RNLS: variants seen among roughly 807,000 people sequenced by gnomAD.
RNLS encodes renalase.
RNLS carries 39 observed loss-of-function variants against 39.8 expected under a neutral mutation model. The ratio of observed to expected loss-of-function variants is 0.98; its 90% CI spans 0.76 to 1.28. The LOEUF (loss-of-function observed/expected upper bound fraction) is 1.28. Among genes scored for constraint, RNLS ranks in the 50% most tolerant of loss-of-function variants. RNLS has a pLI of 0.00. For synonymous variants in RNLS, 147 were observed against 150.7 expected, an observed-to-expected ratio of 0.98 and a Z score of 0.18; for missense variants, 410 against 413.3, an observed-to-expected ratio of 0.99 and a Z score of 0.07.
the RNLS span, among the ~76,000 whole-genome samples, chr10:88,173,770 G>C: frequency 6.6e-6 from 1 of 152,104 alleles, no homozygotes; most frequent in Non-Finnish European, 1.5e-5. Flanking sequence ...ATCAGGCCAA[G>C]TATATAAACC....
chr10:88,205,811 T>A, the RNLS span, among the ~76,000 whole-genome samples: 1 of 152,136 alleles, frequency 6.6e-6, no homozygotes, highest in African/African-American at 2.4e-5. Context: ...GAATATCATG[T>A]ATACCCTGGA....
At chr10:88,234,960 A>G in the RNLS span, among the ~76,000 whole-genome samples, 3 of 152,078 alleles carry the variant, frequency 2.0e-5, no homozygotes, top group Non-Finnish European at 2.9e-5. Flanking sequence ...ATTGTGTTTC[A>G]TGTAGAAATC....
At chr10:88,257,990 TA>T in the RNLS span, among the ~76,000 whole-genome samples, 6 of 152,162 alleles carry the variant, frequency 3.9e-5, no homozygotes, top group Admixed American at 6.5e-5. Context: ...GACATGTGCA[TA>T]AACACACACC....
At chr10:88,216,380 C>T in the RNLS span, among the ~76,000 whole-genome samples, 2 of 152,140 alleles carry the variant, frequency 1.3e-5, no homozygotes, top group African/African-American at 2.4e-5. Context: ...CATAAGATAT[C>T]TGTATTTTTC....
intron 4 of RNLS, among the ~76,000 whole-genome samples, chr10:88,448,840 G>A (rs1479386835): frequency 1.3e-5 from 2 of 152,178 alleles, no homozygotes; most frequent in Non-Finnish European, 2.9e-5. Flanking sequence ...ATGAGTTCAT[G>A]TCCTTTGTAG....
intron 4 of RNLS, among the ~76,000 whole-genome samples, chr10:88,378,772 T>A (rs1851226536): frequency 6.6e-6 from 1 of 152,224 alleles, no homozygotes; most frequent in Admixed American, 6.5e-5. Flanking sequence ...ATGGACTGTT[T>A]CCTTCATCTT....
At chr10:88,253,851 T>C in the RNLS span, among the ~76,000 whole-genome samples, 4 of 152,086 alleles carry the variant, frequency 2.6e-5, no homozygotes, top group Non-Finnish European at 4.4e-5. Context: ...CCTCAGCCAG[T>C]TGTCAACTAA....
chr10:88,575,159 T>TACACACAC (rs375572767), intron 3 of RNLS, among the ~76,000 whole-genome samples: 2 of 43,388 alleles, frequency 4.6e-5, no homozygotes, highest in Admixed American at 3.2e-4. Context: ...TATATATATA[T>TACACACAC]ACACACACAC....
At chr10:88,383,071 A>G (rs1851651657) in intron 4 of RNLS, among the ~76,000 whole-genome samples, 1 of 152,098 alleles carries the variant, frequency 6.6e-6, no homozygotes, top group Non-Finnish European at 1.5e-5. Flanking sequence ...TAAATCTATC[A>G]TGTGTAATTG....
At chr10:88,329,560 G>T (rs113137598) in intron 5 of RNLS, among the ~76,000 whole-genome samples, 89 of 151,816 alleles carry the variant, frequency 5.9e-4, no homozygotes, top group African/African-American at 1.8e-3. Flanking sequence ...TTTGGAAATT[G>T]TTCAGCTATT....
intron 4 of RNLS, among the ~76,000 whole-genome samples, chr10:88,406,069 G>A (rs903150485): frequency 2.6e-5 from 4 of 152,110 alleles, no homozygotes; most frequent in Admixed American, 2.0e-4. Context: ...CTTCTAGCTT[G>A]TAGGGTTTTT....
Position 88,314,537 on chromosome 10 carries a change from G to T in RNLS, c.805C>A (p.Gln269Lys), listed in dbSNP as rs531117505. 2 of 1,613,894 alleles carry T rather than the reference G, an allele frequency of 1.2e-6. No individual in the cohort carries two copies. Among genetic ancestry groups the T allele is most frequent in the African/African-American group, 2.7e-5 (2 of 74,928 alleles). Reference protein sequence around the residue: ...IEDVQELVFQQLENILPGLPQ... With the variant: ...IEDVQELVFQKLENILPGLPQ... ...AAACCCGGCAAAATGTTTTCCAGCT[G>T]CTGGAAGACTAACTCTTGCACATCC... Residue 269 changes from glutamine (Q) to lysine (K), a missense_variant, in exon 6 of 7, where the codon CAG becomes AAG. By Grantham distance (53) the Gln-to-Lys change is moderately conservative. Coordinates refer to ENST00000331772, the MANE Select transcript of RNLS (RefSeq NM_001031709.3).
rs1242284276 is a variant in RNLS at position 88,572,961 on chromosome 10, A to G, written c.468T>C (p.Leu156=). 1 of 1,614,050 alleles carries G rather than the reference A, an allele frequency of 6.2e-7. No homozygotes were observed. The highest frequency in any genetic ancestry group is 1.1e-5 in the South Asian group (1 of 91,060). ...KQTGSPEQFD[L]IVLTMPVPEI... ...CAGGAACTGGCATTGTGAGAACAATAAGATCAAACTGCTCAGGGGAGCCTG... is the reference window on the plus strand; with the variant it reads ...CAGGAACTGGCATTGTGAGAACAATGAGATCAAACTGCTCAGGGGAGCCTG... Residue 156 remains leucine (L), a synonymous_variant, in exon 4 of 7, where the codon CTT becomes CTC. Transcript: ENST00000331772.
the RNLS span, among the ~76,000 whole-genome samples, chr10:88,237,945 G>C: frequency 1.3e-5 from 2 of 152,200 alleles, no homozygotes; most frequent in Admixed American, 1.3e-4. Flanking sequence ...AAAGGGGAGA[G>C]TTTTGGGAAG....
chr10:88,461,126 A>G (rs1842913605), intron 4 of RNLS, among the ~76,000 whole-genome samples: 2 of 152,116 alleles, frequency 1.3e-5, no homozygotes, highest in African/African-American at 2.4e-5. Flanking sequence ...CACAGTGCCA[A>G]TCTGCCCTTA....
At chr10:88,366,042 AAGAT>A (rs1429379537) in intron 4 of RNLS, among the ~76,000 whole-genome samples, 1 of 152,142 alleles carries the variant, frequency 6.6e-6, no homozygotes, top group Admixed American at 6.6e-5. Flanking sequence ...GTAAAGCAGA[AAGAT>A]AAAGTCCCTG....
chr10:88,378,077 A>T (rs1851165990), intron 4 of RNLS, among the ~76,000 whole-genome samples: 1 of 151,810 alleles, frequency 6.6e-6, no homozygotes, highest in South Asian at 2.1e-4. Context: ...ACTGTCTTCC[A>T]CCTCCCCGTA....
chr10:88,481,971 C>T (rs1359902346), intron 4 of RNLS, among the ~76,000 whole-genome samples: 4 of 151,970 alleles, frequency 2.6e-5, no homozygotes, highest in South Asian at 2.1e-4. Flanking sequence ...TAGAATTCTT[C>T]GTTGATTTTT....
At chr10:88,370,073 A>T (rs1215607161) in intron 4 of RNLS, among the ~76,000 whole-genome samples, 3 of 152,166 alleles carry the variant, frequency 2.0e-5, no homozygotes, top group Non-Finnish European at 4.4e-5. Flanking sequence ...CTATATTTTC[A>T]TCTAGCTTCT....
Sources: gnomAD v4.1 joint callset for allele counts (sites outside exome capture counted in the v4.1 genomes callset) on GRCh38, gnomAD v4.1.1 for gene constraint, MANE v1.5 for transcripts, NCBI Gene and HGNC (gene_info 2026-07-23, HGNC 2026-07-21) for gene names.